Variants in NOX4 observed in about 807,000 individuals in gnomAD.
The protein encoded by NOX4 is NADPH oxidase 4, also known as kidney oxidase-1.
Under a neutral mutation model 87.6 loss-of-function variants are expected in NOX4, and 69 were observed. The ratio of observed to expected loss-of-function variants is 0.79; its 90% CI spans 0.65 to 0.96. The LOEUF (loss-of-function observed/expected upper bound fraction) is 0.96. Among genes scored for constraint, NOX4 ranks in the 40% least tolerant of loss-of-function variants. The probability of loss-of-function intolerance (pLI) is 0.00; values close to 1 mark genes in which losing one functional copy is unlikely to be tolerated. For missense variants in NOX4, 680 were observed against 681.5 expected (o/e 1.00, Z 0.02); for synonymous variants, 275 against 238.2 (o/e 1.15, Z -1.42).
intron 5 of NOX4, among the ~76,000 whole-genome samples, chr11:89,441,984 A>C (rs1490700768): frequency 6.8e-6 from 1 of 148,056 alleles, no homozygotes; most frequent in African/African-American, 2.4e-5. Flanking sequence ...CAATATATAA[A>C]TATATCAATA....
chr11:89,464,959 T>A (rs533628212), intron 2 of NOX4, among the ~76,000 whole-genome samples: 13 of 152,096 alleles, frequency 8.5e-5, no homozygotes, highest in African/African-American at 3.1e-4. Context: ...GAGAATGGAG[T>A]CCCCATGATA....
At chr11:89,573,619 C>T in the NOX4 span, among the ~76,000 whole-genome samples, 5 of 152,220 alleles carry the variant, frequency 3.3e-5, no homozygotes, top group Admixed American at 6.5e-5. Flanking sequence ...TGAATTCTTA[C>T]CTCCTCAGAA....
chr11:89,422,050 C>A, intron 7 of NOX4, 68 bp from the exon 8 acceptor site: 2 of 821,634 alleles, frequency 2.4e-6, no homozygotes, highest in Admixed American at 5.9e-5. Context: ...ATCAAAAATA[C>A]CATGTATCAT....
chr11:89,393,798 T>C (rs1941287562), intron 11 of NOX4, among the ~76,000 whole-genome samples: 1 of 152,148 alleles, frequency 6.6e-6, no homozygotes, highest in South Asian at 2.1e-4. Context: ...GGTTGAGAGA[T>C]ACATTCACAG....
the NOX4 span, among the ~76,000 whole-genome samples, chr11:89,588,523 T>C: frequency 6.6e-6 from 1 of 152,224 alleles, no homozygotes; most frequent in Non-Finnish European, 1.5e-5. Flanking sequence ...TAATTAGTAA[T>C]GAGAACTTGC....
chr11:89,521,926 A>C, the NOX4 span, among the ~76,000 whole-genome samples: 3 of 152,208 alleles, frequency 2.0e-5, no homozygotes, highest in East Asian at 5.8e-4. Context: ...CAAACGAAAA[A>C]TGCTCAACAT....
the NOX4 span, among the ~76,000 whole-genome samples, chr11:89,549,811 G>T: frequency 6.6e-6 from 1 of 152,176 alleles, no homozygotes; most frequent in East Asian, 1.9e-4. Flanking sequence ...CCCTGCAAAA[G>T]ACATGAACTC....
At chr11:89,426,957 C>A (rs1002322680) in intron 7 of NOX4, among the ~76,000 whole-genome samples, 2 of 152,208 alleles carry the variant, frequency 1.3e-5, no homozygotes, top group Non-Finnish European at 2.9e-5. Flanking sequence ...AGTAGCCTAA[C>A]TAGGAGGCAC....
chr11:89,375,328 T>C (rs964574566), intron 11 of NOX4, among the ~76,000 whole-genome samples: 1 of 152,182 alleles, frequency 6.6e-6, no homozygotes, highest in African/African-American at 2.4e-5. Flanking sequence ...TTGTTGATAG[T>C]TGAGTCTTAC....
chr11:89,437,178 T>C (rs1944119405), intron 6 of NOX4, among the ~76,000 whole-genome samples: 1 of 151,766 alleles, frequency 6.6e-6, no homozygotes, highest in Admixed American at 6.6e-5. Context: ...CTGGCCAACA[T>C]AGTGAAACTC....
At chr11:89,446,651 G>A (rs980885606) in intron 4 of NOX4, among the ~76,000 whole-genome samples, 5 of 152,126 alleles carry the variant, frequency 3.3e-5, no homozygotes, top group Middle Eastern at 3.2e-3. Context: ...CAACTATATT[G>A]CATTCTAGAA....
intron 2 of NOX4, among the ~76,000 whole-genome samples, chr11:89,481,472 T>C (rs1946388924): frequency 6.6e-6 from 1 of 152,074 alleles, no homozygotes; most frequent in Non-Finnish European, 1.5e-5. Context: ...TTAAGCCCTA[T>C]TTTATGAGTA....
At chr11:89,382,608 C>A (rs1177064791) in intron 11 of NOX4, among the ~76,000 whole-genome samples, 1 of 151,946 alleles carries the variant, frequency 6.6e-6, no homozygotes, top group Admixed American at 6.6e-5. Flanking sequence ...TTTCTACCGA[C>A]CCATCTGACT....
At chr11:89,472,719 C>G (rs567885253) in intron 2 of NOX4, among the ~76,000 whole-genome samples, 1 of 152,284 alleles carries the variant, frequency 6.6e-6, no homozygotes, top group Admixed American at 6.5e-5. Flanking sequence ...GCCAAAAGCA[C>G]AGAGGGCAGA....
chr11:89,558,786 A>C, the NOX4 span, among the ~76,000 whole-genome samples: 1 of 152,138 alleles, frequency 6.6e-6, no homozygotes, highest in African/African-American at 2.4e-5. Flanking sequence ...TTTTATCAGA[A>C]TAAATTTACT....
intron 2 of NOX4, among the ~76,000 whole-genome samples, chr11:89,490,221 G>T (rs760138188): frequency 2.6e-5 from 4 of 152,188 alleles, no homozygotes; most frequent in Non-Finnish European, 5.9e-5. Context: ...ACCTGGTCTG[G>T]CAGGTTCATT....
chr11:89,560,002 C>T, the NOX4 span, among the ~76,000 whole-genome samples: 57,979 of 151,828 alleles, frequency 0.38, 11,355 homozygotes, highest in African/African-American at 0.46. Flanking sequence ...TCTATGAATG[C>T]GACCTCATTT....
intron 2 of NOX4, among the ~76,000 whole-genome samples, chr11:89,460,244 C>G (rs1186501365): frequency 6.6e-6 from 1 of 152,106 alleles, no homozygotes; most frequent in African/African-American, 2.4e-5. Flanking sequence ...TCAGGACATA[C>G]ACATGAGCAA....
chr11:89,532,056 C>T, the NOX4 span, among the ~76,000 whole-genome samples: 5 of 152,140 alleles, frequency 3.3e-5, no homozygotes, highest in Non-Finnish European at 5.9e-5. Context: ...ATGGAAATGC[C>T]TGGATGTCCA....
Sources: gnomAD v4.1 joint callset for allele counts (sites outside exome capture counted in the v4.1 genomes callset) on GRCh38, gnomAD v4.1.1 for gene constraint, MANE v1.5 for transcripts, NCBI Gene and HGNC (gene_info 2026-07-23, HGNC 2026-07-21) for gene names.